SPOCK1: variants seen among roughly 807,000 people sequenced by gnomAD.
The protein encoded by SPOCK1 is SPARC (osteonectin), cwcv and kazal like domains proteoglycan 1, also known as testican-1.
Under a neutral mutation model 55.3 loss-of-function variants are expected in SPOCK1, and 23 were observed. That is an observed-to-expected ratio of 0.42 (90% confidence interval 0.30 to 0.59). The LOEUF (loss-of-function observed/expected upper bound fraction) is 0.59, where lower values mean the gene tolerates loss of function less well. SPOCK1 is among the 20% of genes least tolerant of loss of function. The pLI, the probability that SPOCK1 is intolerant of heterozygous loss-of-function variation, is 0.22. For missense variants in SPOCK1, 499 were observed against 552.5 expected (o/e 0.90, Z 0.97); for synonymous variants, 226 against 221.0 (o/e 1.02, Z -0.20).
In SPOCK1 at chr5:137,103,072, C is replaced by A. The variant is rs1027863713; in HGVS notation, c.474+9363G>T. Among the ~76,000 whole-genome samples the A allele has an allele frequency of 4.6e-5, 7 of 152,198 alleles. No individual in the cohort carries two copies. The South Asian group carries it at 1.5e-3, about 32-fold the overall frequency. On this transcript the variant is annotated intron_variant, in intron 5 of 10. Coordinates refer to ENST00000394945, the MANE Select transcript of SPOCK1 (RefSeq NM_004598.4). ...ATGGTGTGATCTCCACTCACTGCAA[C>A]CTCTGCCTCCCAGGTTCAAGAGATT...
At chr5:137,074,893 C>T (rs892248318) in intron 5 of SPOCK1, among the ~76,000 whole-genome samples, 8 of 152,172 alleles carry the variant, frequency 5.3e-5, no homozygotes, top group African/African-American at 1.7e-4. Flanking sequence ...TTAGTAGAGA[C>T]GGGGTTTCAC....
chr5:137,473,408 T>A (rs562334919), intron 2 of SPOCK1, among the ~76,000 whole-genome samples: 1 of 152,100 alleles, frequency 6.6e-6, no homozygotes, highest in African/African-American at 2.4e-5. Flanking sequence ...AACAAAAACA[T>A]ACGAATATAC....
intron 2 of SPOCK1, among the ~76,000 whole-genome samples, chr5:137,495,792 C>T (rs1316584352): frequency 6.6e-6 from 1 of 152,116 alleles, no homozygotes; most frequent in South Asian, 2.1e-4. Context: ...AGGGACTTGC[C>T]CTAAAAGAGT....
chr5:137,094,553 C>T (rs753137596), intron 5 of SPOCK1, among the ~76,000 whole-genome samples: 17 of 152,042 alleles, frequency 1.1e-4, no homozygotes, highest in Non-Finnish European at 1.9e-4. Context: ...AATGTACATG[C>T]CTTGATTTAA....
chr5:137,396,918 G>T (rs1010489911), intron 2 of SPOCK1, among the ~76,000 whole-genome samples: 1 of 152,044 alleles, frequency 6.6e-6, no homozygotes, highest in African/African-American at 2.4e-5. Flanking sequence ...CTAAGAACTC[G>T]CTCTCCAAAG....
intron 2 of SPOCK1, among the ~76,000 whole-genome samples, chr5:137,345,291 A>G (rs1412251560): frequency 6.6e-6 from 1 of 152,182 alleles, no homozygotes; most frequent in African/African-American, 2.4e-5. Context: ...GAGACCTTGC[A>G]ATGCTGTGCC....
At chr5:136,995,659 G>A (rs749351245) in intron 6 of SPOCK1, among the ~76,000 whole-genome samples, 6 of 152,182 alleles carry the variant, frequency 3.9e-5, no homozygotes, top group Non-Finnish European at 7.3e-5. Context: ...ACATGCAGAG[G>A]AAATCTCATG....
At chr5:137,469,977 G>A (rs1464081424) in intron 2 of SPOCK1, among the ~76,000 whole-genome samples, 1 of 152,172 alleles carries the variant, frequency 6.6e-6, no homozygotes, top group East Asian at 1.9e-4. Context: ...GCTGTGAAAA[G>A]CTTTCAGGAC....
At chr5:137,196,573 T>C (rs760571236) in intron 3 of SPOCK1, among the ~76,000 whole-genome samples, 4 of 152,242 alleles carry the variant, frequency 2.6e-5, no homozygotes, top group Non-Finnish European at 5.9e-5. Context: ...CCTTCTCTGC[T>C]TTAACCTATT....
At chr5:137,225,310 A>T (rs974924740) in intron 3 of SPOCK1, among the ~76,000 whole-genome samples, 2 of 152,172 alleles carry the variant, frequency 1.3e-5, no homozygotes, top group Non-Finnish European at 1.5e-5. Flanking sequence ...AAATGGAGAC[A>T]GTAAATGCAA....
At chr5:137,008,990 A>T (rs1489747007) in intron 6 of SPOCK1, among the ~76,000 whole-genome samples, 2 of 152,178 alleles carry the variant, frequency 1.3e-5, no homozygotes. Context: ...ACACAATATT[A>T]AAAAACGTAA....
At chr5:137,240,020 A>C (rs1231903953) in intron 3 of SPOCK1, among the ~76,000 whole-genome samples, 1 of 152,236 alleles carries the variant, frequency 6.6e-6, no homozygotes, top group Admixed American at 6.5e-5. Context: ...ACTTCCATTA[A>C]GTAGTAGACC....
At chr5:137,177,550 T>A (rs528726981) in intron 3 of SPOCK1, among the ~76,000 whole-genome samples, 1 of 151,980 alleles carries the variant, frequency 6.6e-6, no homozygotes, top group Non-Finnish European at 1.5e-5. Flanking sequence ...CAGATCAGAA[T>A]ACATGCTTCA....
At chr5:137,282,167 A>G (rs553510262) in intron 2 of SPOCK1, among the ~76,000 whole-genome samples, 65 of 152,348 alleles carry the variant, frequency 4.3e-4, no homozygotes, top group African/African-American at 1.4e-3. Context: ...AGTTGACCCC[A>G]GTATATCCTC....
In SPOCK1 at chr5:137,288,079, C is replaced by T. The variant is rs191135461; in HGVS notation, c.187-21024G>A. ...CTGTAACAGTTCCAGAGAGACTTAA[C>T]TTCACCACTGTTATGGTCCCAAGAG... On this transcript the variant is annotated intron_variant, in intron 2 of 10. Coordinates refer to ENST00000394945, the MANE Select transcript of SPOCK1 (RefSeq NM_004598.4). Among the ~76,000 whole-genome samples, 22 of 152,272 alleles carry T rather than the reference C, an allele frequency of 1.4e-4. No individual in the cohort carries two copies. The East Asian group carries it at 4.1e-3, about 28-fold the overall frequency.
At chr5:137,181,636 C>T (rs968720197) in intron 3 of SPOCK1, among the ~76,000 whole-genome samples, 5 of 152,296 alleles carry the variant, frequency 3.3e-5, no homozygotes, top group African/African-American at 1.2e-4. Flanking sequence ...TTGAATTAAA[C>T]ATTAAACAGA....
chr5:137,214,415 C>T (rs1002622912), intron 3 of SPOCK1, among the ~76,000 whole-genome samples: 1 of 152,202 alleles, frequency 6.6e-6, no homozygotes, highest in African/African-American at 2.4e-5. Flanking sequence ...GTCACTTCTA[C>T]AAGGCTGAAT....
At chr5:137,146,296 A>C (rs56279128) in intron 3 of SPOCK1, among the ~76,000 whole-genome samples, 135,953 of 151,784 alleles carry the variant, frequency 0.9, 60,967 homozygotes, top group African/African-American at 0.93. Context: ...GAGGCACAAG[A>C]TACCTGTTGA....
rs145177867 is a variant in SPOCK1, at chr5:137,328,482, G to A, written c.187-61427C>T. On this transcript the variant is annotated intron_variant, in intron 2 of 10. Transcript: ENST00000394945. Reference sequence around the variant, plus strand: ...CCTGAACCTAGCTCCTGAGCAGGCAGGCCAGAAGGGAGTTCACACAGACAA... The same window carrying A: ...CCTGAACCTAGCTCCTGAGCAGGCAAGCCAGAAGGGAGTTCACACAGACAA... 1.1e-3 allele frequency among the ~76,000 whole-genome samples: 170 copies of A among 152,336 alleles called. 4 individuals are homozygous for A. The Middle Eastern group carries it at 0.014, about 12-fold the overall frequency.
Sources: allele counts gnomAD v4.1 joint callset (sites outside exome capture counted in the v4.1 genomes callset), GRCh38; gene constraint gnomAD v4.1.1; transcripts MANE v1.5; gene names NCBI Gene and HGNC (gene_info 2026-07-23, HGNC 2026-07-21).